VAV2: variants seen among roughly 807,000 people sequenced by gnomAD.
The protein encoded by VAV2 is vav guanine nucleotide exchange factor 2.
In VAV2, 67 loss-of-function variants were observed where a neutral mutation model predicts 132.5. That is an observed-to-expected ratio of 0.51 (90% CI 0.42 to 0.62). The LOEUF (loss-of-function observed/expected upper bound fraction) is 0.62, where lower values mean the gene tolerates loss of function less well. VAV2 is among the 20% of genes least tolerant of loss of function. VAV2 has a pLI of 0.00. For missense variants in VAV2, 938 were observed against 1,153.6 expected (o/e 0.81, Z 2.71); for synonymous variants, 492 against 443.5 (o/e 1.11, Z -1.37).
chr9:133,777,173 G>A (rs1056848806), intron 23 of VAV2, among the ~76,000 whole-genome samples: 1 of 152,168 alleles, frequency 6.6e-6, no homozygotes, highest in East Asian at 1.9e-4. Flanking sequence ...AACGACACCC[G>A]ATCGGCTGAG....
In VAV2 at chr9:133,791,747, C is replaced by T. The variant is rs774392681; in HGVS notation, c.1188+36G>A. On this transcript the variant is annotated intron_variant, in intron 13 of 29. Transcript: ENST00000371850. ...CGTGACTTTATAGGTACGTCCTCAT[C>T]GACCTTCCCTAGCCTGAAGAGTCAG... 1.5e-5 allele frequency: 24 copies of T among 1,581,724 alleles called. No homozygotes were observed. In the Admixed American group the frequency reaches 1.8e-4, roughly 12 times the overall value.
At chr9:133,779,384 C>T (rs550880513) in intron 21 of VAV2, among the ~76,000 whole-genome samples, 36 of 152,348 alleles carry the variant, frequency 2.4e-4, no homozygotes, top group African/African-American at 8.4e-4. Flanking sequence ...TCTCAAGGAG[C>T]CCATGGCTCT....
At chr9:133,882,263 C>T (rs1838527620) in intron 2 of VAV2, among the ~76,000 whole-genome samples, 1 of 152,242 alleles carries the variant, frequency 6.6e-6, no homozygotes, top group Non-Finnish European at 1.5e-5. Flanking sequence ...GCAGGTGAAG[C>T]ACGCAGGCCG....
chr9:133,873,114 G>A (rs1838126572), intron 2 of VAV2, among the ~76,000 whole-genome samples: 1 of 126,436 alleles, frequency 7.9e-6, no homozygotes, highest in African/African-American at 2.9e-5. Flanking sequence ...GGGCGGGGGG[G>A]TGGGGGAGGG....
chr9:133,946,250 C>T (rs1221039230), intron 1 of VAV2, among the ~76,000 whole-genome samples: 2 of 152,230 alleles, frequency 1.3e-5, no homozygotes, highest in Admixed American at 1.3e-4. Context: ...GGGAGGGACA[C>T]AGGCCGACAA....
intron 3 of VAV2, among the ~76,000 whole-genome samples, chr9:133,845,271 GGC>G (rs1836888020): frequency 6.6e-6 from 1 of 152,258 alleles, no homozygotes; most frequent in Admixed American, 6.5e-5. Flanking sequence ...GGATGGCAGG[GGC>G]TCTGGTCTGA....
chr9:133,848,807 C>T (rs904011963), intron 3 of VAV2, among the ~76,000 whole-genome samples: 22 of 152,380 alleles, frequency 1.4e-4, no homozygotes, highest in African/African-American at 2.2e-4. Context: ...CATCCCATGG[C>T]AGCCTGGCAC....
At chr9:133,811,967 G>A (rs533796343) in intron 5 of VAV2, 147 bp downstream of exon 5, 2 of 753,490 alleles carry the variant, frequency 2.7e-6, no homozygotes, top group Non-Finnish European at 4.4e-6. Context: ...GGACCAAGGG[G>A]TGCACCTCTG....
In VAV2 at chr9:133,961,602, CG is replaced by C. The variant is rs1841967812; in HGVS notation, c.205-22384del. On this transcript the variant is annotated intron_variant, in intron 1 of 29. Coordinates refer to ENST00000371850, the MANE Select transcript of VAV2 (RefSeq NM_001134398.2). This position sits in a 1 kb window ranked among gnomAD's most constrained non-coding sequence, Gnocchi z 4.1. ...TGCCCTCTGACCTCACAAAGACCCA[CG>C]GGGCTGGTTTGGGAGGCCCAGCCCA... Among the ~76,000 whole-genome samples the C allele has an allele frequency of 2.0e-5, 3 of 152,194 alleles. No individual in the cohort carries two copies. The highest frequency in any genetic ancestry group is 7.2e-5 in the African/African-American group (3 of 41,438).
intron 3 of VAV2, among the ~76,000 whole-genome samples, chr9:133,859,571 T>C (rs565087755): frequency 1.1e-4 from 16 of 152,220 alleles, no homozygotes; most frequent in African/African-American, 3.9e-4. Flanking sequence ...GCAGGAGCAA[T>C]TAAAATGACT....
Position 133,794,832 on chromosome 9 carries a change from G to A in VAV2, c.1101+836C>T, listed in dbSNP as rs1834643299. 6.6e-6 allele frequency among the ~76,000 whole-genome samples: 1 copy of A among 152,208 alleles called. No homozygotes were observed. Among genetic ancestry groups the A allele is most frequent in the Non-Finnish European group, 1.5e-5 (1 of 68,030 alleles). On this transcript the variant is annotated intron_variant, in intron 12 of 29. Transcript: ENST00000371850. The surrounding 1 kb of genome is among the most constrained non-coding windows in gnomAD (Gnocchi z 4.6). ...TGCCTGGCTGGGAAGGAGATGGCAC[G>A]AACAAGTGTGTCCAGGAGGAAGAGT... is the stretch of plus-strand genomic sequence containing the variant.
At chr9:133,862,624 C>T (rs7030201) in intron 2 of VAV2, among the ~76,000 whole-genome samples, 18,087 of 152,176 alleles carry the variant, frequency 0.12, 3,050 homozygotes, top group African/African-American at 0.37. Context: ...AAAAGGCCCA[C>T]GACGGCCACG....
At chr9:133,818,136 G>A (rs1359719892) in intron 4 of VAV2, among the ~76,000 whole-genome samples, 1 of 152,108 alleles carries the variant, frequency 6.6e-6, no homozygotes, top group African/African-American at 2.4e-5. Context: ...GGGCCGAGGT[G>A]GGCAGATCAC....
chr9:133,980,437 A>G (rs894511661), intron 1 of VAV2, among the ~76,000 whole-genome samples: 17 of 152,226 alleles, frequency 1.1e-4, no homozygotes, highest in African/African-American at 3.9e-4. Context: ...CAGAATAGAG[A>G]AAGGGCATGT....
At chr9:133,954,712 A>C (rs1841689499) in intron 1 of VAV2, among the ~76,000 whole-genome samples, 1 of 152,178 alleles carries the variant, frequency 6.6e-6, no homozygotes, top group Admixed American at 6.5e-5. Context: ...GCCCATGCAC[A>C]TACATGTGGG....
chr9:133,780,710 G>A lies in VAV2; in HGVS notation c.1724C>T (p.Thr575Ile). The A allele has an allele frequency of 7.9e-6, 10 of 1,273,062 alleles. No homozygotes were observed. Among genetic ancestry groups the A allele is most frequent in the Non-Finnish European group, 1.0e-5 (10 of 1,001,194 alleles). The allele number at this position is 1,273,062 out of a possible 1,614,324, so 78.9% of individuals were successfully genotyped here. Residue 575 changes from threonine (T) to isoleucine (I), a missense_variant and splice_region_variant, in exon 20 of 30, where the codon ACT (threonine) becomes ATT (isoleucine). Physicochemically the swap from Thr to Ile is moderately conservative, Grantham distance 89. Coordinates refer to ENST00000371850, the MANE Select transcript of VAV2 (RefSeq NM_001134398.2). ...GGGACTTACCAGATCTGCAGGAGAA[G>A]CTGGAAAGGAAGCAGGTCAGGTGTT... ...CLEVIPPCKF[T>I]SPADLDASGA...
At position 133,783,337 on chromosome 9, in the gene VAV2, G is replaced by A. The variant is rs139424900; in HGVS notation, c.1723+166C>T. Among the ~76,000 whole-genome samples, 789 of 152,246 alleles carry A rather than the reference G, an allele frequency of 5.2e-3. 9 individuals are homozygous for A. Among genetic ancestry groups the A allele is most frequent in the African/African-American group, 0.018 (746 of 41,538 alleles). On this transcript the variant is annotated intron_variant, in intron 19 of 29. Transcript: ENST00000371850. ...CTGTGTCTCCTGTTAAGTGTGTGACGTGCGGCAGGCGTCTGGTGTCTGCTC... is the reference window on the plus strand; with the variant it reads ...CTGTGTCTCCTGTTAAGTGTGTGACATGCGGCAGGCGTCTGGTGTCTGCTC...
At chr9:133,974,786 A>AC (rs1418562214) in intron 1 of VAV2, among the ~76,000 whole-genome samples, 1 of 152,002 alleles carries the variant, frequency 6.6e-6, no homozygotes, top group Non-Finnish European at 1.5e-5. Flanking sequence ...CCAGCACTGC[A>AC]CCATGGACAG....
At chr9:133,869,176 T>C (rs1430190385) in intron 2 of VAV2, among the ~76,000 whole-genome samples, 3 of 152,134 alleles carry the variant, frequency 2.0e-5, no homozygotes, top group African/African-American at 7.2e-5. Context: ...CTTGTATTTT[T>C]AGTAGAGATG....
Sources: allele counts gnomAD v4.1 joint callset (sites outside exome capture counted in the v4.1 genomes callset), GRCh38; gene constraint gnomAD v4.1.1; non-coding constraint Gnocchi (gnomAD v3.1); transcripts MANE v1.5; gene names NCBI Gene and HGNC (gene_info 2026-07-23, HGNC 2026-07-21).